SMCO3: variants seen among roughly 807,000 people sequenced by gnomAD.
SMCO3 encodes the protein single-pass membrane and coiled-coil domain-containing protein 3.
SMCO3 carries 6 observed loss-of-function variants against 12.0 expected under a neutral mutation model. The ratio of observed to expected loss-of-function variants is 0.50; its 90% CI spans 0.27 to 0.99. The LOEUF (loss-of-function observed/expected upper bound fraction) is 0.99, where lower values mean the gene tolerates loss of function less well. SMCO3 is among the 50% of genes least tolerant of loss of function. SMCO3 has a pLI of 0.11. For missense variants in SMCO3, 279 were observed against 265.0 expected, an observed-to-expected ratio of 1.05 and a Z score of -0.37; for synonymous variants, 96 against 96.4, an observed-to-expected ratio of 1.00 and a Z score of 0.02.
intron 1 of SMCO3, among the ~76,000 whole-genome samples, chr12:14,810,454 A>G (rs1180198897): frequency 6.6e-6 from 1 of 152,254 alleles, no homozygotes; most frequent in Non-Finnish European, 1.5e-5. Context: ...GTGTAAGGTC[A>G]TATGCCAGCA....
At chr12:14,809,977 T>A (rs1293504076) in intron 1 of SMCO3, among the ~76,000 whole-genome samples, 1 of 152,234 alleles carries the variant, frequency 6.6e-6, no homozygotes, top group Non-Finnish European at 1.5e-5. Flanking sequence ...TTTTCCTCCT[T>A]TTAAGTAGTC....
chr12:14,810,281 C>A (rs1950116351), intron 1 of SMCO3, among the ~76,000 whole-genome samples: 1 of 152,100 alleles, frequency 6.6e-6, no homozygotes, highest in Non-Finnish European at 1.5e-5. Context: ...TATTTCTACA[C>A]CCCAAATGAG....
intron 1 of SMCO3, among the ~76,000 whole-genome samples, chr12:14,809,071 A>T (rs1950098017): frequency 6.6e-6 from 1 of 152,186 alleles, no homozygotes; most frequent in Non-Finnish European, 1.5e-5. Flanking sequence ...GACAGGAGAA[A>T]ATTAGCTATA....
intron 1 of SMCO3, among the ~76,000 whole-genome samples, chr12:14,813,194 A>C (rs1010963157): frequency 6.6e-6 from 1 of 152,192 alleles, no homozygotes; most frequent in Admixed American, 6.5e-5. Flanking sequence ...AAAGAAAAAG[A>C]AAAACGTGAC....
In SMCO3 at chr12:14,806,114, T is replaced by C; in HGVS notation, c.567A>G (p.Gln189=). The change falls in exon 2 of 2, where the codon CAA becomes CAG. Residue 189 remains glutamine (Q), a synonymous_variant. Transcript: ENST00000316048. The stretch of plus-strand genomic sequence containing the variant: ...GCTTCTCATAACTTTTGATGGCTGC[T>C]TGAAGCTGTGTTTTTTCCACTGCTC... ...ILGAVEKTQL[Q]AAIKSYEKHL... The C allele has an allele frequency of 6.2e-7, 1 of 1,614,210 alleles. No homozygotes were observed. Among genetic ancestry groups the C allele is most frequent in the South Asian group, 1.1e-5 (1 of 91,086 alleles).
At chr12:14,808,960 G>A (rs1950095956) in intron 1 of SMCO3, among the ~76,000 whole-genome samples, 1 of 152,110 alleles carries the variant, frequency 6.6e-6, no homozygotes, top group Non-Finnish European at 1.5e-5. Context: ...TTTGGACTTT[G>A]AATTTTCTTT....
intron 1 of SMCO3, among the ~76,000 whole-genome samples, chr12:14,813,545 A>G (rs1210426468): frequency 6.6e-6 from 1 of 152,242 alleles, no homozygotes; most frequent in Non-Finnish European, 1.5e-5. Flanking sequence ...AGCATTTATC[A>G]AGTGCTCACT....
chr12:14,806,803 A>G (rs1950059127), intron 1 of SMCO3, 107 bp from the exon 2 acceptor site: 11 of 1,009,768 alleles, frequency 1.1e-5, no homozygotes, highest in Non-Finnish European at 1.4e-5. Flanking sequence ...AAGAAGCAAG[A>G]TGCTGTCTAA....
rs1950033478 is a variant in SMCO3 at position 14,805,474 on chromosome 12, C to A, written c.*529G>T. ...CTAATTGAAGCACATTGTTACAAAC[C>A]ATTTTTCAGTCTCTTCTAGTTTACA... On this transcript the variant is annotated 3_prime_UTR_variant, in exon 2 of 2. Coordinates refer to ENST00000316048, the MANE Select transcript of SMCO3 (RefSeq NM_001013698.2). 1 of 152,614 alleles carries A rather than the reference C, an allele frequency of 6.6e-6. No individual in the cohort carries two copies. Among genetic ancestry groups the A allele is most frequent in the Admixed American group, 6.5e-5 (1 of 15,300 alleles). The allele number at this position is 152,614 out of a possible 1,614,324, so 9.5% of individuals were successfully genotyped here. A position where few individuals can be genotyped will look rare whatever the true frequency, so the allele number is the denominator to read the frequency against.
intron 1 of SMCO3, among the ~76,000 whole-genome samples, chr12:14,811,199 A>G (rs1950130565): frequency 6.6e-6 from 1 of 152,180 alleles, no homozygotes; most frequent in Non-Finnish European, 1.5e-5. Flanking sequence ...ACTTTTGTAC[A>G]GAGTTTGTGC....
chr12:14,805,981 C>T lies in SMCO3; in HGVS notation c.*22G>A. ...CTGAAAAGGAAGCAGAAAAACACTT[C>T]AGTGGCAAATAAAACGGCTGTTCAT... is the stretch of plus-strand genomic sequence containing the variant. On this transcript the variant is annotated 3_prime_UTR_variant, in exon 2 of 2. Coordinates refer to ENST00000316048, the MANE Select transcript of SMCO3 (RefSeq NM_001013698.2). 2 of 1,575,826 alleles carry T rather than the reference C, an allele frequency of 1.3e-6. No homozygotes were observed. The highest frequency in any genetic ancestry group is 1.7e-6 in the Non-Finnish European group (2 of 1,160,634).
In SMCO3 at chr12:14,805,934, A is replaced by G; in HGVS notation, c.*69T>C. ...TGGAAGCCTATAGAAAATGAACCTA[A>G]TCAAAGAAGCAAACACTGTTACTGA... On this transcript the variant is annotated 3_prime_UTR_variant, in exon 2 of 2. Transcript: ENST00000316048. 1 of 1,447,866 alleles carries G rather than the reference A, an allele frequency of 6.9e-7. No homozygotes were observed. Among genetic ancestry groups the G allele is most frequent in the Non-Finnish European group, 9.4e-7 (1 of 1,068,888 alleles). The allele number at this position is 1,447,866 out of a possible 1,614,324, so 89.7% of individuals were successfully genotyped here.
chr12:14,809,679 T>C (rs1950106556), intron 1 of SMCO3, among the ~76,000 whole-genome samples: 1 of 152,050 alleles, frequency 6.6e-6, no homozygotes, highest in Admixed American at 6.6e-5. Flanking sequence ...TTTTCAAATA[T>C]CGGTATGGAG....
chr12:14,812,755 T>G (rs980362104), intron 1 of SMCO3, among the ~76,000 whole-genome samples: 3 of 151,954 alleles, frequency 2.0e-5, no homozygotes, highest in Non-Finnish European at 4.4e-5. Context: ...GCTATAAAAT[T>G]TTTACAATTT....
intron 1 of SMCO3, among the ~76,000 whole-genome samples, chr12:14,812,618 C>T (rs1950158967): frequency 6.6e-6 from 1 of 151,986 alleles, no homozygotes; most frequent in Non-Finnish European, 1.5e-5. Flanking sequence ...AGAAGAATTA[C>T]ATAATTAGTG....
chr12:14,804,836 A>G lies in SMCO3; in HGVS notation c.*1167T>C, dbSNP rs2137249598. On this transcript the variant is annotated 3_prime_UTR_variant, in exon 2 of 2. Transcript: ENST00000316048. ...TATATGTAGCTACTATTTTTAAGATATGCTGAGCAGTTTTTATTTCAATAC... is the reference window on the plus strand; with the variant it reads ...TATATGTAGCTACTATTTTTAAGATGTGCTGAGCAGTTTTTATTTCAATAC... 6.6e-6 allele frequency: 1 copy of G among 152,382 alleles called. No individual in the cohort carries two copies. The highest frequency in any genetic ancestry group is 2.4e-5 in the African/African-American group (1 of 41,594). The allele number at this position is 152,382 out of a possible 1,614,324, so 9.4% of individuals were successfully genotyped here.
At chr12:14,808,957 T>G (rs1950095912) in intron 1 of SMCO3, among the ~76,000 whole-genome samples, 1 of 152,228 alleles carries the variant, frequency 6.6e-6, no homozygotes, top group South Asian at 2.1e-4. Flanking sequence ...AGATTTGGAC[T>G]TTGAATTTTC....
At chr12:14,814,049 G>A (rs1216128420) in intron 1 of SMCO3, 77 bp downstream of exon 1, 3 of 152,008 alleles carry the variant, frequency 2.0e-5, no homozygotes, top group Admixed American at 1.3e-4. Context: ...CAAGACTGAC[G>A]GGCTAATTCA....
intron 1 of SMCO3, among the ~76,000 whole-genome samples, chr12:14,807,505 G>A (rs926896476): frequency 6.6e-6 from 1 of 152,060 alleles, no homozygotes; most frequent in Non-Finnish European, 1.5e-5. Flanking sequence ...GCTGTTTTTT[G>A]TATTTCAATA....
Sources: allele counts gnomAD v4.1 joint callset (sites outside exome capture counted in the v4.1 genomes callset), GRCh38; gene constraint gnomAD v4.1.1; transcripts MANE v1.5; gene names NCBI Gene and HGNC (gene_info 2026-07-23, HGNC 2026-07-21).